Variants in CTNNA3 observed in about 807,000 individuals in gnomAD.
The protein encoded by CTNNA3 is catenin alpha 3.
CTNNA3 carries 76 observed loss-of-function variants against 95.7 expected under a neutral mutation model. The observed-to-expected ratio is 0.79, with a 90% CI of 0.66 to 0.96. CTNNA3 has a LOEUF of 0.96. Among genes scored for constraint, CTNNA3 ranks in the 40% least tolerant of loss-of-function variants. CTNNA3 has a pLI of 0.00. For synonymous variants in CTNNA3, 431 were observed against 374.4 expected, an observed-to-expected ratio of 1.15 and a Z score of -1.74; for missense variants, 1,191 against 1,089.8, an observed-to-expected ratio of 1.09 and a Z score of -1.31.
At chr10:67,078,863 T>G (rs1380464955) in intron 7 of CTNNA3, among the ~76,000 whole-genome samples, 1 of 152,178 alleles carries the variant, frequency 6.6e-6, no homozygotes, top group Non-Finnish European at 1.5e-5. Flanking sequence ...AGAGCAAGGT[T>G]AGCAGGACAC....
chr10:67,428,944 T>C (rs1043049455), intron 5 of CTNNA3, among the ~76,000 whole-genome samples: 3 of 151,992 alleles, frequency 2.0e-5, no homozygotes, highest in Non-Finnish European at 2.9e-5. Context: ...TGTAAGTTAA[T>C]ACTTAATAAA....
chr10:66,242,192 C>T (rs1159103054), intron 13 of CTNNA3, among the ~76,000 whole-genome samples: 3 of 152,090 alleles, frequency 2.0e-5, no homozygotes, highest in Admixed American at 2.0e-4. Context: ...TGGACTTAGC[C>T]TCCATAACTG....
intron 11 of CTNNA3, among the ~76,000 whole-genome samples, chr10:66,444,837 T>G (rs1306950428): frequency 1.3e-5 from 2 of 152,162 alleles, no homozygotes; most frequent in African/African-American, 4.8e-5. Context: ...TAACTTTAAA[T>G]GTAAATGGGC....
At chr10:67,093,249 T>C (rs1857763553) in intron 7 of CTNNA3, among the ~76,000 whole-genome samples, 1 of 151,954 alleles carries the variant, frequency 6.6e-6, no homozygotes, top group Non-Finnish European at 1.5e-5. Context: ...TCCCTGAGCC[T>C]ATTCCAACTA....
At chr10:67,421,804 T>C (rs1845757177) in intron 5 of CTNNA3, among the ~76,000 whole-genome samples, 3 of 152,132 alleles carry the variant, frequency 2.0e-5, no homozygotes, top group African/African-American at 7.2e-5. Context: ...CTGCATGTTA[T>C]ATAAACTTAA....
At position 66,682,017 on chromosome 10, in the gene CTNNA3, C is replaced by T. The variant is rs186964603; in HGVS notation, c.1282-60233G>A. The stretch of plus-strand genomic sequence containing the variant: ...GCCACTGCAGCTAGAAACCTGTGGG[C>T]GTGTCAGGTCCTTTGTAGTGAGTGT... On this transcript the variant is annotated intron_variant, in intron 9 of 17. Coordinates refer to ENST00000433211, the MANE Select transcript of CTNNA3 (RefSeq NM_013266.4). Among the ~76,000 whole-genome samples, 41 of 152,272 alleles carry T rather than the reference C, an allele frequency of 2.7e-4. 1 individual carries two copies. Among genetic ancestry groups the T allele is most frequent in the Admixed American group, 1.3e-3 (20 of 15,298 alleles).
chr10:67,508,939 T>C (rs899088357), intron 5 of CTNNA3, among the ~76,000 whole-genome samples: 4 of 151,960 alleles, frequency 2.6e-5, no homozygotes, highest in Admixed American at 6.6e-5. Context: ...TGCAATGGCA[T>C]GATCTCAGCT....
At chr10:66,994,311 T>C (rs960865386) in intron 7 of CTNNA3, among the ~76,000 whole-genome samples, 5 of 152,196 alleles carry the variant, frequency 3.3e-5, no homozygotes, top group African/African-American at 1.2e-4. Context: ...TGGGTTTGCC[T>C]GGCCTTTGCT....
At chr10:66,096,201 T>C (rs1459817389) in intron 14 of CTNNA3, among the ~76,000 whole-genome samples, 3 of 152,166 alleles carry the variant, frequency 2.0e-5, no homozygotes, top group Non-Finnish European at 2.9e-5. Context: ...TGCTAACAAA[T>C]TCCTTTTCTC....
intron 1 of CTNNA3, among the ~76,000 whole-genome samples, chr10:67,724,784 G>C (rs952793388): frequency 6.6e-6 from 1 of 152,018 alleles, no homozygotes; most frequent in African/African-American, 2.4e-5. Flanking sequence ...GCTATTCCTG[G>C]TGCTGTGGCA....
intron 3 of CTNNA3, among the ~76,000 whole-genome samples, chr10:67,583,440 A>C (rs1393222327): frequency 1.3e-5 from 2 of 152,128 alleles, no homozygotes; most frequent in Non-Finnish European, 2.9e-5. Context: ...TGTTTGTCTG[A>C]TGGGCTTCCC....
intron 13 of CTNNA3, among the ~76,000 whole-genome samples, chr10:66,151,205 T>C (rs556736419): frequency 1.3e-5 from 2 of 152,060 alleles, no homozygotes; most frequent in East Asian, 1.9e-4. Flanking sequence ...ATGTCTAAAT[T>C]GATATTTAGA....
At chr10:67,607,183 C>A in intron 2 of CTNNA3, 134 bp from the exon 3 acceptor site, 1 of 620,990 alleles carries the variant, frequency 1.6e-6, no homozygotes, top group Non-Finnish European at 2.7e-6. Flanking sequence ...GCCAACCCAC[C>A]GTGCAGTTGA....
intron 15 of CTNNA3, among the ~76,000 whole-genome samples, chr10:66,021,000 T>C (rs1274838423): frequency 7.2e-5 from 11 of 152,102 alleles, no homozygotes; most frequent in Non-Finnish European, 1.6e-4. Context: ...TCATGGTTGA[T>C]CACTGACTCT....
rs1236856932 is a variant in CTNNA3 at position 66,015,441 on chromosome 10, T to C, written c.2160-26644A>G. 5.9e-5 allele frequency among the ~76,000 whole-genome samples: 9 copies of C among 152,316 alleles called. No individual in the cohort carries two copies. The South Asian group carries it at 1.0e-3, about 18-fold the overall frequency. On this transcript the variant is annotated intron_variant, in intron 15 of 17. Transcript: ENST00000433211. ...CTTGCTTTTGTGAATAAAACTTTATTGGAACACAGCCACATTCCCCACACT... is the reference window on the plus strand; with the variant it reads ...CTTGCTTTTGTGAATAAAACTTTATCGGAACACAGCCACATTCCCCACACT...
chr10:66,963,392 A>T (rs974860810), intron 7 of CTNNA3, among the ~76,000 whole-genome samples: 10 of 152,226 alleles, frequency 6.6e-5, no homozygotes, highest in African/African-American at 2.2e-4. Flanking sequence ...TGATTAATGC[A>T]TCTTAAATGA....
intron 11 of CTNNA3, among the ~76,000 whole-genome samples, chr10:66,454,611 TC>T (rs964957993): frequency 4.5e-4 from 64 of 142,632 alleles, no homozygotes; most frequent in African/African-American, 1.7e-3. Context: ...CTCAAAAATG[TC>T]ATCTTTGGTG....
chr10:66,181,798 C>T (rs998742150), intron 13 of CTNNA3, among the ~76,000 whole-genome samples: 1 of 152,088 alleles, frequency 6.6e-6, no homozygotes, highest in Non-Finnish European at 1.5e-5. Context: ...AAATCTACCT[C>T]CAAATTATAG....
intron 9 of CTNNA3, among the ~76,000 whole-genome samples, chr10:66,652,406 A>C (rs1028289240): frequency 6.6e-6 from 1 of 152,130 alleles, no homozygotes; most frequent in African/African-American, 2.4e-5. Context: ...GAAATGGGTA[A>C]ATTTCTAGAG....
Sources: allele counts gnomAD v4.1 joint callset (sites outside exome capture counted in the v4.1 genomes callset), GRCh38; gene constraint gnomAD v4.1.1; transcripts MANE v1.5; gene names NCBI Gene and HGNC (gene_info 2026-07-23, HGNC 2026-07-21).